Variants in KCNMA1 observed in about 807,000 individuals in gnomAD.
The protein encoded by KCNMA1 is potassium calcium-activated channel subfamily M alpha 1, also known as Calcium-activated potassium channel subunit alpha-1.
A neutral mutation model predicts 140.0 loss-of-function variants in KCNMA1; 29 were observed. The observed-to-expected ratio is 0.21, with a 90% confidence interval of 0.15 to 0.28. KCNMA1 has a LOEUF of 0.28. Ranked by LOEUF, KCNMA1 falls within the 10% of genes least tolerant of loss-of-function variation. The pLI is 1.00. For synonymous variants in KCNMA1, 612 were observed against 611.9 expected, an observed-to-expected ratio of 1.00 and a Z score of 0.00; for missense variants, 880 against 1,602.2, an observed-to-expected ratio of 0.55 and a Z score of 7.70.
intron 7 of KCNMA1, among the ~76,000 whole-genome samples, chr10:77,111,688 T>C (rs1050490062): frequency 2.0e-5 from 3 of 152,180 alleles, no homozygotes; most frequent in Admixed American, 6.5e-5. Context: ...CTATCCCTTA[T>C]GCAAATAGAG....
intron 1 of KCNMA1, among the ~76,000 whole-genome samples, chr10:77,483,040 A>ACACACACC (rs1491190921): frequency 9.2e-6 from 1 of 108,296 alleles, no homozygotes; most frequent in African/African-American, 3.4e-5. Context: ...ACACACACAC[A>ACACACACC]CCCCTTGTTC....
intron 1 of KCNMA1, among the ~76,000 whole-genome samples, chr10:77,584,597 T>G (rs2076747176): frequency 6.6e-6 from 1 of 152,196 alleles, no homozygotes; most frequent in Non-Finnish European, 1.5e-5. Context: ...GACTTCATGA[T>G]CTGCCTGCCT....
chr10:77,444,293 C>T (rs1172260977), intron 1 of KCNMA1, among the ~76,000 whole-genome samples: 1 of 152,160 alleles, frequency 6.6e-6, no homozygotes, highest in Non-Finnish European at 1.5e-5. Flanking sequence ...TGTTCAGACT[C>T]CTGCACTGGG....
intron 2 of KCNMA1, among the ~76,000 whole-genome samples, chr10:77,292,564 G>T (rs1455969371): frequency 6.6e-6 from 1 of 152,228 alleles, no homozygotes; most frequent in Non-Finnish European, 1.5e-5. Flanking sequence ...GTTGGAACCT[G>T]TCCCTCTCCT....
At chr10:77,170,166 G>A (rs542565638) in intron 5 of KCNMA1, among the ~76,000 whole-genome samples, 2 of 152,224 alleles carry the variant, frequency 1.3e-5, no homozygotes, top group East Asian at 1.9e-4. Context: ...ACTCCAGCCT[G>A]GGCAACAATG....
At chr10:77,340,752 A>C (rs962460626) in intron 2 of KCNMA1, among the ~76,000 whole-genome samples, 2 of 152,112 alleles carry the variant, frequency 1.3e-5, no homozygotes, top group East Asian at 3.9e-4. Context: ...TAGGAGATAT[A>C]CCTAATGTAA....
chr10:77,363,577 T>C (rs1357098157), intron 2 of KCNMA1, among the ~76,000 whole-genome samples: 1 of 152,234 alleles, frequency 6.6e-6, no homozygotes, highest in Non-Finnish European at 1.5e-5. Flanking sequence ...CCATGGTGCC[T>C]ATGCAAAAAT....
At chr10:77,283,016 C>G (rs961328248) in intron 2 of KCNMA1, among the ~76,000 whole-genome samples, 1 of 152,164 alleles carries the variant, frequency 6.6e-6, no homozygotes, top group Non-Finnish European at 1.5e-5. Flanking sequence ...GAAGGCCAAC[C>G]TTCGTCTTAG....
At chr10:77,206,323 G>A (rs924759205) in intron 3 of KCNMA1, among the ~76,000 whole-genome samples, 1 of 152,162 alleles carries the variant, frequency 6.6e-6, no homozygotes, top group Non-Finnish European at 1.5e-5. Context: ...GTGTCAACCT[G>A]ACGTTGGATT....
downstream of KCNMA1, among the ~76,000 whole-genome samples, chr10:76,879,916 G>A (rs7903624): frequency 6.6e-6 from 1 of 152,098 alleles, no homozygotes; most frequent in Non-Finnish European, 1.5e-5. Flanking sequence ...CTTTTTCCAG[G>A]GGTTTATGTG....
intron 1 of KCNMA1, among the ~76,000 whole-genome samples, chr10:77,615,981 T>C (rs1293158690): frequency 6.6e-6 from 1 of 152,222 alleles, no homozygotes; most frequent in African/African-American, 2.4e-5. Flanking sequence ...ACGTGGCTGG[T>C]ATTTTTAGTA....
chr10:77,439,124 AGAGAAGAG>A (rs2097332429), intron 1 of KCNMA1, among the ~76,000 whole-genome samples: 1 of 145,410 alleles, frequency 6.9e-6, no homozygotes, highest in African/African-American at 2.6e-5. Flanking sequence ...AGAGAAGAGA[AGAGAAGAG>A]AAGAGAAGAG....
intron 1 of KCNMA1, among the ~76,000 whole-genome samples, chr10:77,584,712 C>A (rs2076781522): frequency 1.3e-5 from 2 of 152,198 alleles, no homozygotes; most frequent in African/African-American, 4.8e-5. Flanking sequence ...AGCCCATACG[C>A]CATTCAGTCT....
intron 23 of KCNMA1, among the ~76,000 whole-genome samples, chr10:76,941,915 A>G (rs1445054308): frequency 2.0e-5 from 3 of 152,134 alleles, no homozygotes; most frequent in African/African-American, 4.8e-5. Flanking sequence ...TCCTCACATG[A>G]CAGAAGGGAC....
chr10:76,911,030 G>A (rs568787335), intron 24 of KCNMA1: 4 of 152,002 alleles, frequency 2.6e-5, no homozygotes, highest in Non-Finnish European at 4.4e-5. Flanking sequence ...AAAGTCGGTG[G>A]GGGGATGGGA....
At chr10:77,382,457 G>A (rs187803630) in intron 2 of KCNMA1, among the ~76,000 whole-genome samples, 4 of 152,238 alleles carry the variant, frequency 2.6e-5, no homozygotes, top group Middle Eastern at 3.4e-3. Context: ...TATCAGCATC[G>A]CTGTCCAGAA....
At chr10:77,411,020 T>G (rs1280118489) in intron 1 of KCNMA1, among the ~76,000 whole-genome samples, 1 of 152,212 alleles carries the variant, frequency 6.6e-6, no homozygotes, top group Non-Finnish European at 1.5e-5. Context: ...TTGTTTTGTT[T>G]TAGACAGAGT....
chr10:77,203,207 T>C (rs569166367), intron 3 of KCNMA1, among the ~76,000 whole-genome samples: 7 of 152,360 alleles, frequency 4.6e-5, no homozygotes, highest in Admixed American at 1.3e-4. Flanking sequence ...ACTCCTGCTA[T>C]GAAGAAGGGT....
At chr10:77,371,491 CA>C (rs2094712531) in intron 2 of KCNMA1, among the ~76,000 whole-genome samples, 1 of 152,164 alleles carries the variant, frequency 6.6e-6, no homozygotes, top group African/African-American at 2.4e-5. Flanking sequence ...ATTAAATTGA[CA>C]ACATGTAAAA....
Sources: allele counts gnomAD v4.1 joint callset (sites outside exome capture counted in the v4.1 genomes callset), GRCh38; gene constraint gnomAD v4.1.1; transcripts MANE v1.5; gene names NCBI Gene and HGNC (gene_info 2026-07-23, HGNC 2026-07-21).